The following EML4 variants were observed in gnomAD, a reference collection of about 807,000 sequenced individuals.
EML4 encodes EMAP like 4, also known as echinoderm microtubule-associated protein-like 4.
Under a neutral mutation model 129.0 loss-of-function variants are expected in EML4, and 72 were observed. The ratio of observed to expected loss-of-function variants is 0.56; its 90% CI spans 0.46 to 0.68. The LOEUF is 0.68. EML4 is among the 30% of genes least tolerant of loss of function. EML4 has a pLI of 0.00. For synonymous variants in EML4, 532 were observed against 405.0 expected, an observed-to-expected ratio of 1.31 and a Z score of -3.77; for missense variants, 1,363 against 1,190.6, an observed-to-expected ratio of 1.14 and a Z score of -2.13.
At chr2:42,285,499 G>A (rs1268054647) in intron 9 of EML4, among the ~76,000 whole-genome samples, 2 of 151,968 alleles carry the variant, frequency 1.3e-5, no homozygotes, top group African/African-American at 2.4e-5. Flanking sequence ...TTGATAAAAT[G>A]TGTTATTTTC....
At chr2:42,258,701 A>G (rs574868975) in intron 3 of EML4, among the ~76,000 whole-genome samples, 1 of 151,806 alleles carries the variant, frequency 6.6e-6, no homozygotes, top group African/African-American at 2.4e-5. Context: ...TGACTGGCCA[A>G]AATTGTATTT....
intron 16 of EML4, among the ~76,000 whole-genome samples, chr2:42,304,113 TTCTG>T (rs1668460441): frequency 6.6e-6 from 1 of 152,178 alleles, no homozygotes; most frequent in Admixed American, 6.5e-5. Flanking sequence ...ACTGTCTTCT[TTCTG>T]GGTGGTCTCT....
At chr2:42,265,680 C>A (rs62142565) in intron 6 of EML4, among the ~76,000 whole-genome samples, 73,493 of 151,692 alleles carry the variant, frequency 0.48, 18,269 homozygotes, top group East Asian at 0.74. Flanking sequence ...TAGAAATAAA[C>A]GATTGATAAA....
At chr2:42,271,720 A>T (rs1205469485) in intron 6 of EML4, among the ~76,000 whole-genome samples, 1 of 152,154 alleles carries the variant, frequency 6.6e-6, no homozygotes, top group Non-Finnish European at 1.5e-5. Flanking sequence ...TTTTTAAAAA[A>T]ATCTAAACTA....
chr2:42,203,462 C>G (rs1012862072), intron 1 of EML4, among the ~76,000 whole-genome samples: 1 of 152,052 alleles, frequency 6.6e-6, no homozygotes, highest in Non-Finnish European at 1.5e-5. Context: ...ATTGACATAG[C>G]TGTAATTAAA....
chr2:42,254,731 G>A (rs1572634262), intron 2 of EML4, among the ~76,000 whole-genome samples: 1 of 151,862 alleles, frequency 6.6e-6, no homozygotes, highest in East Asian at 1.9e-4. Flanking sequence ...GTGTTTGGCA[G>A]TTCCTCAATA....
Position 42,169,829 on chromosome 2 carries a change from C to T in EML4, c.25+193C>T, listed in dbSNP as rs948623651. 10 of 524,146 alleles carry T rather than the reference C, an allele frequency of 1.9e-5. No individual in the cohort carries two copies. In the African/African-American group the frequency reaches 2.0e-4, roughly 10 times the overall value. The allele number at this position is 524,146 out of a possible 1,614,324, so 32.5% of individuals were successfully genotyped here. A position where few individuals can be genotyped will look rare whatever the true frequency, so the allele number is the denominator to read the frequency against. On this transcript the variant is annotated intron_variant, in intron 1 of 22. Coordinates refer to ENST00000318522, the MANE Select transcript of EML4 (RefSeq NM_019063.5). ...GGCCCCTCCCCCATGTCCAACTCTC[C>T]TCTGTGTCAGACCCTCCTTTCCTCC...
At position 42,302,815 on chromosome 2, in the gene EML4, T is replaced by G. The variant is rs1201568239; in HGVS notation, c.1642-289T>G. Among the ~76,000 whole-genome samples the G allele has an allele frequency of 2.6e-5, 4 of 152,310 alleles. No homozygotes were observed. The East Asian group carries it at 7.7e-4, about 29-fold the overall frequency. ...TCCAAATGTGCTGGGATTACAGGTG[T>G]GAGCCACCATGCCCAGCCTTTTTTC... is the stretch of plus-strand genomic sequence containing the variant. On this transcript the variant is annotated intron_variant, in intron 14 of 22. Transcript: ENST00000318522.
chr2:42,204,972 T>C (rs1184502667), intron 1 of EML4, among the ~76,000 whole-genome samples: 4 of 152,188 alleles, frequency 2.6e-5, no homozygotes, highest in Admixed American at 2.6e-4. Flanking sequence ...ACCATATGGT[T>C]TTAGAAATCA....
intron 1 of EML4, among the ~76,000 whole-genome samples, chr2:42,239,346 T>C (rs1674872308): frequency 6.6e-6 from 1 of 152,262 alleles, no homozygotes; most frequent in South Asian, 2.1e-4. Context: ...TACTTACCTT[T>C]GCAAAGGTGA....
At chr2:42,313,680 C>G (rs1178398382) in intron 17 of EML4, among the ~76,000 whole-genome samples, 2 of 152,126 alleles carry the variant, frequency 1.3e-5, no homozygotes, top group East Asian at 3.9e-4. Flanking sequence ...GTAATCCCAG[C>G]ACGTTGGGAG....
At chr2:42,191,872 G>A (rs1048488576) in intron 1 of EML4, among the ~76,000 whole-genome samples, 2 of 152,030 alleles carry the variant, frequency 1.3e-5, no homozygotes, top group African/African-American at 4.8e-5. Context: ...GGCCGGGCAC[G>A]GTGGCTCACA....
At chr2:42,188,606 T>A (rs1671403242) in intron 1 of EML4, among the ~76,000 whole-genome samples, 2 of 151,910 alleles carry the variant, frequency 1.3e-5, no homozygotes, top group African/African-American at 4.8e-5. Flanking sequence ...AGTGCAGTGG[T>A]GCGATCTTGG....
chr2:42,194,324 G>A (rs1249178812), intron 1 of EML4, among the ~76,000 whole-genome samples: 1 of 138,758 alleles, frequency 7.2e-6, no homozygotes, highest in East Asian at 2.2e-4. Context: ...ATCCAGATCT[G>A]TATTTTTCAC....
intron 11 of EML4, among the ~76,000 whole-genome samples, chr2:42,293,364 G>T (rs1174361943): frequency 6.6e-6 from 1 of 152,100 alleles, no homozygotes; most frequent in East Asian, 1.9e-4. Flanking sequence ...GCCACCCAAA[G>T]CATTGAGATT....
At chr2:42,197,253 G>A (rs1416704276) in intron 1 of EML4, among the ~76,000 whole-genome samples, 1 of 152,032 alleles carries the variant, frequency 6.6e-6, no homozygotes, top group Admixed American at 6.6e-5. Context: ...TTGTAGAGAT[G>A]GGGTTTTGCC....
At chr2:42,234,508 T>G (rs570404467) in intron 1 of EML4, among the ~76,000 whole-genome samples, 5 of 149,642 alleles carry the variant, frequency 3.3e-5, no homozygotes, top group Admixed American at 2.7e-4. Flanking sequence ...TCTCACAAAC[T>G]TGTGACAAAA....
At chr2:42,220,296 T>A (rs1558513140) in intron 1 of EML4, among the ~76,000 whole-genome samples, 1 of 151,526 alleles carries the variant, frequency 6.6e-6, no homozygotes, top group Admixed American at 6.6e-5. Flanking sequence ...ATTGAGCAAG[T>A]GTATTGGCCC....
At chr2:42,282,756 C>G (rs915234476) in intron 7 of EML4, 67 bp from the exon 8 acceptor site, 10 of 1,345,896 alleles carry the variant, frequency 7.4e-6, no homozygotes, top group Non-Finnish European at 1.1e-5. Context: ...CCTTAAGTAT[C>G]CATGAAAAAT....
Sources: gnomAD v4.1 joint callset for allele counts (sites outside exome capture counted in the v4.1 genomes callset) on GRCh38, gnomAD v4.1.1 for gene constraint, MANE v1.5 for transcripts, NCBI Gene and HGNC (gene_info 2026-07-23, HGNC 2026-07-21) for gene names.